RALGAPA2: variants seen among roughly 807,000 people sequenced by gnomAD.
RALGAPA2 encodes the protein ral GTPase-activating protein subunit alpha-2.
Under a neutral mutation model 230.4 loss-of-function variants are expected in RALGAPA2, and 139 were observed. That is an observed-to-expected ratio of 0.60 (90% CI 0.53 to 0.69). RALGAPA2 has a LOEUF of 0.69. Among genes scored for constraint, RALGAPA2 ranks in the 30% least tolerant of loss-of-function variants. The pLI is 0.00. For synonymous variants in RALGAPA2, 847 were observed against 837.8 expected (o/e 1.01, Z -0.19); for missense variants, 2,163 against 2,276.0 (o/e 0.95, Z 1.01).
chr20:20,421,077 T>A (rs763834795), intron 37 of RALGAPA2, among the ~76,000 whole-genome samples: 1 of 152,252 alleles, frequency 6.6e-6, no homozygotes, highest in East Asian at 1.9e-4. Flanking sequence ...ATCTTGTATC[T>A]CAAATATATA....
intron 3 of RALGAPA2, among the ~76,000 whole-genome samples, chr20:20,672,866 T>C (rs1320045490): frequency 6.6e-6 from 1 of 152,188 alleles, no homozygotes; most frequent in Non-Finnish European, 1.5e-5. Flanking sequence ...GTAATTAAAC[T>C]GTAGAACAAC....
At chr20:20,414,004 G>T (rs954141195) in intron 37 of RALGAPA2, among the ~76,000 whole-genome samples, 1 of 152,222 alleles carries the variant, frequency 6.6e-6, no homozygotes, top group African/African-American at 2.4e-5. Flanking sequence ...GCCACGGCTC[G>T]GCCCTCCGTG....
rs1214831477 is a variant in RALGAPA2, at chr20:20,476,618, T to C, written c.5368-3662A>G. ...CCTCCAGAAAAAAAATATGACAAAA[T>C]TGCCACGACCTTAGGATAGGCAAGG... On this transcript the variant is annotated intron_variant, in intron 36 of 39. Transcript: ENST00000202677. Among the ~76,000 whole-genome samples, 4 of 150,002 alleles carry C rather than the reference T, an allele frequency of 2.7e-5. No individual in the cohort carries two copies. In the East Asian group the frequency reaches 5.8e-4, roughly 22 times the overall value.
chr20:20,670,230 T>TA (rs1183064865), intron 3 of RALGAPA2, among the ~76,000 whole-genome samples: 2 of 152,206 alleles, frequency 1.3e-5, no homozygotes, highest in African/African-American at 4.8e-5. Context: ...AAATGAATTG[T>TA]AAAGAATAGT....
At chr20:20,629,691 T>A (rs1253061298) in intron 9 of RALGAPA2, 101 bp from the exon 10 acceptor site, 2 of 1,222,196 alleles carry the variant, frequency 1.6e-6, no homozygotes, top group Non-Finnish European at 1.2e-6. Flanking sequence ...CTGGTTACCA[T>A]CAATGTGCAC....
At chr20:20,445,278 A>G (rs902932229) in intron 37 of RALGAPA2, among the ~76,000 whole-genome samples, 1 of 152,226 alleles carries the variant, frequency 6.6e-6, no homozygotes, top group Non-Finnish European at 1.5e-5. Context: ...TGACTATTCC[A>G]TAAGTGCCTG....
chr20:20,394,889 C>CAAAAAAAAAAAA (rs10673778), intron 39 of RALGAPA2, among the ~76,000 whole-genome samples: 22 of 44,614 alleles, frequency 4.9e-4, no homozygotes, highest in East Asian at 7.7e-4. Context: ...AATAAATAAG[C>CAAAAAAAAAAAA]AAAAAAAAAA....
chr20:20,646,459 T>G (rs2067219312), intron 4 of RALGAPA2, among the ~76,000 whole-genome samples: 2 of 152,184 alleles, frequency 1.3e-5, no homozygotes, highest in Admixed American at 1.3e-4. Context: ...AAACTTCTTA[T>G]TCAAACTATA....
In RALGAPA2 at chr20:20,611,435, C is replaced by G; in HGVS notation, c.1689-9G>C. ...TTTGCAACATCTGTTCCCTGGGCCA[C>G]CCAAAATAAAAGCTCATATTAATAA... On this transcript the variant is annotated splice_polypyrimidine_tract_variant and intron_variant, in intron 13 of 39. Transcript: ENST00000202677. 3 of 1,608,250 alleles carry G rather than the reference C, an allele frequency of 1.9e-6. No homozygotes were observed. The highest frequency in any genetic ancestry group is 2.5e-6 in the Non-Finnish European group (3 of 1,177,060).
At chr20:20,659,857 C>T (rs534559967) in intron 3 of RALGAPA2, 161 of 598,552 alleles carry the variant, frequency 2.7e-4, no homozygotes, top group Non-Finnish European at 4.3e-4. Context: ...TGTCCCTGGA[C>T]CAGCAGAGCA....
chr20:20,494,332 C>T (rs926113322), intron 36 of RALGAPA2, among the ~76,000 whole-genome samples: 3 of 152,174 alleles, frequency 2.0e-5, no homozygotes, highest in African/African-American at 7.2e-5. Context: ...CTGAAAAACA[C>T]AATGTCATTC....
At chr20:20,546,378 T>C (rs1449086436) in intron 24 of RALGAPA2, among the ~76,000 whole-genome samples, 1 of 152,256 alleles carries the variant, frequency 6.6e-6, no homozygotes. Context: ...CTCTCTATTT[T>C]AGACATTTAT....
rs891609576 is a variant in RALGAPA2 at position 20,417,113 on chromosome 20, G to A, written c.5496-4965C>T. 2.0e-5 allele frequency among the ~76,000 whole-genome samples: 3 copies of A among 152,262 alleles called. No individual in the cohort carries two copies. The South Asian group carries it at 6.2e-4, about 32-fold the overall frequency. ...CACCTGGGACGCTTCAGCCATCCACGCATCCCTCTCAAAAGTTCTGGCGCC... is the reference window on the plus strand; with the variant it reads ...CACCTGGGACGCTTCAGCCATCCACACATCCCTCTCAAAAGTTCTGGCGCC... On this transcript the variant is annotated intron_variant, in intron 37 of 39. Transcript: ENST00000202677.
chr20:20,639,505 T>G (rs548776268), intron 7 of RALGAPA2, among the ~76,000 whole-genome samples: 2 of 152,224 alleles, frequency 1.3e-5, no homozygotes, highest in South Asian at 2.1e-4. Flanking sequence ...TGGGCCCGCC[T>G]CCTCCTTCAA....
intron 38 of RALGAPA2, among the ~76,000 whole-genome samples, chr20:20,401,729 C>A (rs1300341045): frequency 6.6e-6 from 1 of 152,148 alleles, no homozygotes. Context: ...GGAAACATTG[C>A]AGAAGCAATG....
At chr20:20,427,567 G>C (rs1257273303) in intron 37 of RALGAPA2, among the ~76,000 whole-genome samples, 1 of 152,152 alleles carries the variant, frequency 6.6e-6, no homozygotes, top group East Asian at 1.9e-4. Context: ...CCCGTTTCAA[G>C]TGGTGGTGTA....
intron 37 of RALGAPA2, among the ~76,000 whole-genome samples, chr20:20,430,041 C>G (rs756066188): frequency 6.6e-6 from 1 of 152,226 alleles, no homozygotes; most frequent in Non-Finnish European, 1.5e-5. Context: ...TCCTCTGAGT[C>G]CTGGCCCTGT....
intron 37 of RALGAPA2, among the ~76,000 whole-genome samples, chr20:20,456,416 A>T (rs1045875971): frequency 1.3e-5 from 2 of 152,246 alleles, no homozygotes; most frequent in African/African-American, 4.8e-5. Flanking sequence ...AGACAGAGAG[A>T]AATGTCCGTT....
rs1214017706 is a variant in RALGAPA2, at chr20:20,512,940, A to C, written c.4429T>G (p.Leu1477Val). ...AAGCAGCCTTCCAAAGGTCCATATA[A>C]AACCTTACCATCCCAAGAGTACTTC... ...SGKYSWDGKV[L>V]YGPLEGCLAP... The change falls in exon 32 of 40, where the codon TTA (leucine) becomes GTA (valine). Residue 1477 changes from leucine to valine, a missense_variant. Physicochemically the swap from Leu to Val is conservative, Grantham distance 32 (BLOSUM62 1). Coordinates refer to ENST00000202677, the MANE Select transcript of RALGAPA2 (RefSeq NM_020343.4). 3 of 1,613,740 alleles carry C rather than the reference A, an allele frequency of 1.9e-6. No homozygotes were observed. The Admixed American group carries it at 5.0e-5, about 27-fold the overall frequency.
Sources: gnomAD v4.1 joint callset for allele counts (sites outside exome capture counted in the v4.1 genomes callset) on GRCh38, gnomAD v4.1.1 for gene constraint, MANE v1.5 for transcripts, NCBI Gene and HGNC (gene_info 2026-07-23, HGNC 2026-07-21) for gene names.